CDH8: variants seen among roughly 807,000 people sequenced by gnomAD.
CDH8 encodes cadherin 8, also known as cadherin-8.
A neutral mutation model predicts 68.1 loss-of-function variants in CDH8; 17 were observed. That is an observed-to-expected ratio of 0.25 (90% CI 0.17 to 0.37). The LOEUF (loss-of-function observed/expected upper bound fraction) is 0.37. CDH8 is among the 10% of genes least tolerant of loss of function. The pLI is 1.00. For missense variants in CDH8, 763 were observed against 999.3 expected (o/e 0.76, Z 3.19); for synonymous variants, 372 against 365.1 (o/e 1.02, Z -0.21).
intron 2 of CDH8, among the ~76,000 whole-genome samples, chr16:61,948,688 G>C (rs116378589): frequency 0.011 from 1,629 of 152,266 alleles, 35 homozygotes; most frequent in African/African-American, 0.037. Context: ...TGTTAAATCC[G>C]TAGCTTTAAG....
intron 2 of CDH8, among the ~76,000 whole-genome samples, chr16:62,012,717 A>C (rs1390202330): frequency 6.6e-6 from 1 of 152,244 alleles, no homozygotes; most frequent in Non-Finnish European, 1.5e-5. Context: ...AAAAGATTGA[A>C]TATATTGATA....
chr16:61,777,816 G>A (rs1960939089), intron 8 of CDH8, among the ~76,000 whole-genome samples: 1 of 152,036 alleles, frequency 6.6e-6, no homozygotes, highest in Non-Finnish European at 1.5e-5. Flanking sequence ...TATCTCCTTG[G>A]ACTTGGAAGG....
intron 7 of CDH8, among the ~76,000 whole-genome samples, chr16:61,793,663 T>G (rs1961434600): frequency 6.6e-6 from 1 of 152,060 alleles, no homozygotes; most frequent in Non-Finnish European, 1.5e-5. Flanking sequence ...TTGATGGGCA[T>G]TTCAGTTGGT....
At chr16:61,658,684 G>T (rs67445021) in intron 10 of CDH8, among the ~76,000 whole-genome samples, 5 of 151,874 alleles carry the variant, frequency 3.3e-5, no homozygotes, top group South Asian at 4.2e-4. Flanking sequence ...TTCTCATACC[G>T]TGTTCTTTAA....
intron 2 of CDH8, chr16:61,937,954 T>C (rs1438730221): frequency 6.6e-6 from 1 of 152,192 alleles, no homozygotes; most frequent in Admixed American, 6.5e-5. Flanking sequence ...GCAGTTAATG[T>C]TTCCATTTGA....
At chr16:61,662,748 T>C (rs1963594107) in intron 10 of CDH8, among the ~76,000 whole-genome samples, 1 of 151,948 alleles carries the variant, frequency 6.6e-6, no homozygotes, top group South Asian at 2.1e-4. Flanking sequence ...TAGACGTATA[T>C]GGTAGGATGT....
intron 6 of CDH8, among the ~76,000 whole-genome samples, chr16:61,819,486 A>G (rs1038666520): frequency 3.3e-5 from 5 of 152,104 alleles, no homozygotes; most frequent in South Asian, 2.1e-4. Flanking sequence ...ATTGTACTCT[A>G]CTTTATTTCA....
intron 2 of CDH8, among the ~76,000 whole-genome samples, chr16:61,958,606 G>C (rs181049561): frequency 6.6e-6 from 1 of 152,278 alleles, no homozygotes; most frequent in East Asian, 1.9e-4. Flanking sequence ...CTCCTGGCTG[G>C]AGAATCACAG....
chr16:61,678,925 C>T (rs866316846), intron 10 of CDH8, among the ~76,000 whole-genome samples: 1 of 152,004 alleles, frequency 6.6e-6, no homozygotes, highest in Non-Finnish European at 1.5e-5. Context: ...TTTTGAAATA[C>T]TTACATAGAC....
In CDH8 at chr16:61,901,536, C is replaced by T. The variant is rs989414318; in HGVS notation, c.253-63G>A. 5 of 1,181,656 alleles carry T rather than the reference C, an allele frequency of 4.2e-6. No individual in the cohort carries two copies. In the African/African-American group the frequency reaches 6.1e-5, roughly 15 times the overall value. 73.2% of individuals were successfully genotyped at this position (1,181,656 alleles called of 1,614,324 possible). Reference sequence around the variant, plus strand: ...TCTGAAAAGTTATTTTTTTAACTACCTCCTTTTTGAATATTAAGTTGGTTC... The same window carrying T: ...TCTGAAAAGTTATTTTTTTAACTACTTCCTTTTTGAATATTAAGTTGGTTC... On this transcript the variant is annotated intron_variant, in intron 2 of 11. Coordinates refer to ENST00000577390, the MANE Select transcript of CDH8 (RefSeq NM_001796.5).
At chr16:61,902,421 CTAAAA>C (rs1963990973) in intron 2 of CDH8, among the ~76,000 whole-genome samples, 1 of 151,924 alleles carries the variant, frequency 6.6e-6, no homozygotes, top group African/African-American at 2.4e-5. Context: ...TTTTAAAAAA[CTAAAA>C]TAAAATAAAA....
In CDH8 at chr16:61,653,214, GAC is replaced by G; in HGVS notation, c.*392_*393del. The G allele has an allele frequency of 8.3e-7, 1 of 1,202,088 alleles. No individual in the cohort carries two copies. The highest frequency in any genetic ancestry group is 1.0e-6 in the Non-Finnish European group (1 of 970,782). 74.5% of individuals were successfully genotyped at this position (1,202,088 alleles called of 1,614,324 possible). On this transcript the variant is annotated 3_prime_UTR_variant, in exon 12 of 12. Transcript: ENST00000577390. ...TGCATTCATAAAAATCCTTGCAGAA[GAC>G]ACATATCAGCAGCAGATTCCTTGCA...
intron 8 of CDH8, among the ~76,000 whole-genome samples, chr16:61,740,142 G>T (rs1436421261): frequency 1.3e-5 from 2 of 151,638 alleles, no homozygotes; most frequent in African/African-American, 4.8e-5. Flanking sequence ...TCCTGACCTC[G>T]TGGTCTGCCC....
At chr16:61,854,240 C>T (rs1404178145) in intron 4 of CDH8, among the ~76,000 whole-genome samples, 3 of 151,856 alleles carry the variant, frequency 2.0e-5, no homozygotes, top group Admixed American at 1.3e-4. Flanking sequence ...TAGCTGAGAC[C>T]CTGTAGCTGA....
intron 3 of CDH8, among the ~76,000 whole-genome samples, chr16:61,884,794 A>ACTT (rs1362251298): frequency 1.3e-5 from 2 of 152,194 alleles, no homozygotes; most frequent in Non-Finnish European, 2.9e-5. Context: ...TATTGATAAG[A>ACTT]CTTCTGGTCA....
At position 61,886,429 on chromosome 16, in the gene CDH8, T is replaced by C. The variant is rs1035350249; in HGVS notation, c.547+14750A>G. On this transcript the variant is annotated intron_variant, in intron 3 of 11. Transcript: ENST00000577390. ...TTCTTTTGAATCCCCCTGGTCACTG[T>C]CATCACTGCCACCCAAGGCATCCAG... 3.3e-5 allele frequency among the ~76,000 whole-genome samples: 5 copies of C among 152,384 alleles called. No homozygotes were observed. In the South Asian group the frequency reaches 1.0e-3, roughly 32 times the overall value.
intron 2 of CDH8, among the ~76,000 whole-genome samples, chr16:61,949,071 A>G (rs1964845361): frequency 6.6e-6 from 1 of 152,196 alleles, no homozygotes; most frequent in Non-Finnish European, 1.5e-5. Flanking sequence ...ATGAAGAAAC[A>G]TATTACAATT....
intron 4 of CDH8, 114 bp from the exon 5 acceptor site, chr16:61,825,293 T>A (rs1440367723): frequency 4.1e-6 from 3 of 727,260 alleles, no homozygotes. Context: ...CCTAGTCAGA[T>A]AATTTTCTGT....
chr16:61,866,099 CCCAGCTA>C (rs55765522), intron 3 of CDH8, among the ~76,000 whole-genome samples: 150,342 of 151,986 alleles, frequency 0.99, 74,361 homozygotes, highest in Middle Eastern at 1. Context: ...CACCTGTAGT[CCCAGCTA>C]CCAGCTACTT....
Sources: allele counts gnomAD v4.1 joint callset (sites outside exome capture counted in the v4.1 genomes callset), GRCh38; gene constraint gnomAD v4.1.1; transcripts MANE v1.5; gene names NCBI Gene and HGNC (gene_info 2026-07-23, HGNC 2026-07-21).